The following SYNPR variants were observed in gnomAD, a reference collection of about 807,000 sequenced individuals.
SYNPR encodes the protein synaptoporin.
Under a neutral mutation model 32.9 loss-of-function variants are expected in SYNPR, and 23 were observed. That is an observed-to-expected ratio of 0.70 (90% CI 0.50 to 0.99). SYNPR has a LOEUF of 0.99. Ranked by LOEUF, SYNPR falls within the 50% of genes least tolerant of loss-of-function variation. The probability of loss-of-function intolerance (pLI) is 0.00; values close to 1 mark genes in which losing one functional copy is unlikely to be tolerated. For missense variants in SYNPR, 318 were observed against 349.3 expected (o/e 0.91, Z 0.71); for synonymous variants, 146 against 135.9 (o/e 1.07, Z -0.52).
intron 2 of SYNPR, among the ~76,000 whole-genome samples, chr3:63,399,550 G>A (rs2088261777): frequency 6.6e-6 from 1 of 152,104 alleles, no homozygotes; most frequent in African/African-American, 2.4e-5. Flanking sequence ...GTGGAAGGGA[G>A]CTTGGGGCCT....
intron 2 of SYNPR, among the ~76,000 whole-genome samples, chr3:63,473,101 T>C (rs947767073): frequency 1.4e-4 from 22 of 152,206 alleles, no homozygotes; most frequent in African/African-American, 5.3e-4. Context: ...AGCCCAAATG[T>C]GCCACACTTG....
chr3:63,287,455 T>C (rs966303447), intron 2 of SYNPR, among the ~76,000 whole-genome samples: 1 of 152,126 alleles, frequency 6.6e-6, no homozygotes, highest in Non-Finnish European at 1.5e-5. Context: ...ACCACACTTT[T>C]TAATGACTTT....
At chr3:63,291,619 T>A (rs528655666) in intron 2 of SYNPR, among the ~76,000 whole-genome samples, 160 of 152,248 alleles carry the variant, frequency 1.1e-3, no homozygotes, top group African/African-American at 3.7e-3. Context: ...TTGAAGCAGT[T>A]GAAAGCAAAG....
intron 2 of SYNPR, among the ~76,000 whole-genome samples, chr3:63,473,108 C>T (rs1195573426): frequency 6.6e-6 from 1 of 152,136 alleles, no homozygotes; most frequent in Non-Finnish European, 1.5e-5. Flanking sequence ...ATGTGCCACA[C>T]TTGCTCATTT....
chr3:63,413,921 C>A (rs535404529), intron 2 of SYNPR, among the ~76,000 whole-genome samples: 31 of 151,866 alleles, frequency 2.0e-4, no homozygotes, highest in African/African-American at 6.0e-4. Flanking sequence ...AAATTAGGAG[C>A]CTTTCTCCAT....
chr3:63,243,445 T>C (rs1481588576), intron 1 of SYNPR, among the ~76,000 whole-genome samples: 1 of 152,108 alleles, frequency 6.6e-6, no homozygotes, highest in African/African-American at 2.4e-5. Context: ...GCATGTCTTA[T>C]TTAGTGTTCT....
upstream of SYNPR, among the ~76,000 whole-genome samples, chr3:63,226,743 T>G (rs2086131196): frequency 1.3e-5 from 2 of 152,120 alleles, no homozygotes; most frequent in Admixed American, 6.6e-5. Context: ...GATTGGTGAA[T>G]GGGTACAAAT....
rs976507129 is a variant in SYNPR at position 63,278,571 on chromosome 3, G to A, written c.18+20G>A. The A allele has an allele frequency of 5.2e-6, 8 of 1,551,068 alleles. No individual in the cohort carries two copies. Among genetic ancestry groups the A allele is most frequent in the Non-Finnish European group, 7.0e-6 (8 of 1,146,538 alleles). The stretch of plus-strand genomic sequence containing the variant: ...AGTCAGGTGAGACAGAACTGGGCAG[G>A]GCGGCTGGCTGGGAGCAGGGGGCGG... On this transcript the variant is annotated intron_variant, in intron 1 of 5. Transcript: ENST00000478300.
At chr3:63,560,713 G>A (rs1169270344) in intron 4 of SYNPR, among the ~76,000 whole-genome samples, 1 of 152,156 alleles carries the variant, frequency 6.6e-6, no homozygotes, top group Non-Finnish European at 1.5e-5. Context: ...GGCAGACAAA[G>A]AGAGAAGAAG....
At chr3:63,234,712 G>A (rs183143502) in intron 1 of SYNPR, among the ~76,000 whole-genome samples, 14 of 152,304 alleles carry the variant, frequency 9.2e-5, no homozygotes, top group African/African-American at 3.4e-4. Flanking sequence ...AGGCTTGCCT[G>A]TAGTCAGAGT....
intron 2 of SYNPR, among the ~76,000 whole-genome samples, chr3:63,470,463 A>G (rs907350573): frequency 5.3e-5 from 8 of 152,192 alleles, no homozygotes; most frequent in Admixed American, 1.3e-4. Context: ...TAATTCAAGC[A>G]GAAATTTAAA....
At chr3:63,561,132 C>T (rs988991338) in intron 4 of SYNPR, among the ~76,000 whole-genome samples, 1 of 152,130 alleles carries the variant, frequency 6.6e-6, no homozygotes, top group Non-Finnish European at 1.5e-5. Flanking sequence ...TAGTTCACAT[C>T]CAAAAAATTA....
At chr3:63,583,187 G>T (rs1703122754) in intron 4 of SYNPR, among the ~76,000 whole-genome samples, 1 of 152,042 alleles carries the variant, frequency 6.6e-6, no homozygotes, top group Non-Finnish European at 1.5e-5. Context: ...ATCAGTTGGG[G>T]CAGGGCAGGA....
chr3:63,300,502 T>C (rs1560184288), intron 2 of SYNPR, among the ~76,000 whole-genome samples: 1 of 152,104 alleles, frequency 6.6e-6, no homozygotes, highest in Non-Finnish European at 1.5e-5. Flanking sequence ...CCTGCTCAGA[T>C]CCTTTTACTA....
At chr3:63,549,027 A>G (rs1702458242) in intron 3 of SYNPR, among the ~76,000 whole-genome samples, 1 of 152,196 alleles carries the variant, frequency 6.6e-6, no homozygotes, top group South Asian at 2.1e-4. Context: ...ACTTTCTATT[A>G]AAAAATCACA....
rs1229775961 is a variant in SYNPR, at chr3:63,615,729, ACTTT to A, written c.*250_*253del. 2.5e-6 allele frequency: 1 copy of A among 402,896 alleles called. No individual in the cohort carries two copies. Among genetic ancestry groups the A allele is most frequent in the East Asian group, 4.1e-5 (1 of 24,400 alleles). The allele number at this position is 402,896 out of a possible 1,614,324, so 25.0% of individuals were successfully genotyped here. A position where few individuals can be genotyped will look rare whatever the true frequency, so the allele number is the denominator to read the frequency against. ...AGAGTACCTTGTTATATATACAGAT[ACTTT>A]CATGGTCATTTTGTATGTATGTTAA... On this transcript the variant is annotated 3_prime_UTR_variant, in exon 6 of 6. Transcript: ENST00000478300.
chr3:63,251,595 A>G (rs1000245801), intron 1 of SYNPR, among the ~76,000 whole-genome samples: 5 of 152,106 alleles, frequency 3.3e-5, no homozygotes, highest in Non-Finnish European at 7.4e-5. Context: ...ATTTCCCCCA[A>G]ATCCAGCATG....
chr3:63,448,659 G>A (rs1374534689), intron 2 of SYNPR, among the ~76,000 whole-genome samples: 2 of 152,112 alleles, frequency 1.3e-5, no homozygotes, highest in African/African-American at 4.8e-5. Context: ...CTGGAATGTG[G>A]ATGTCACTTT....
rs75706298 is a variant in SYNPR, at chr3:63,566,369, T to C, written c.408+9628T>C. On this transcript the variant is annotated intron_variant, in intron 4 of 5. Coordinates refer to ENST00000478300, the MANE Select transcript of SYNPR (RefSeq NM_001130003.2). The stretch of plus-strand genomic sequence containing the variant: ...TTCCTTGTGTGCCCTCAGATACTGC[T>C]GGGTTTTACTTTTTGTTTTTCAATG... 2.2e-3 allele frequency among the ~76,000 whole-genome samples: 333 copies of C among 152,332 alleles called. 2 individuals carry two copies. Among genetic ancestry groups the C allele is most frequent in the Non-Finnish European group, 3.8e-3 (257 of 68,026 alleles).
Sources: gnomAD v4.1 joint callset for allele counts (sites outside exome capture counted in the v4.1 genomes callset) on GRCh38, gnomAD v4.1.1 for gene constraint, MANE v1.5 for transcripts, NCBI Gene and HGNC (gene_info 2026-07-23, HGNC 2026-07-21) for gene names.